Variants in ZC3H13 observed in about 807,000 individuals in gnomAD.
The protein encoded by ZC3H13 is zinc finger CCCH-type containing 13.
A neutral mutation model predicts 204.1 loss-of-function variants in ZC3H13; 64 were observed. The ratio of observed to expected loss-of-function variants is 0.31; its 90% CI spans 0.26 to 0.39. The LOEUF (loss-of-function observed/expected upper bound fraction) is 0.39. Ranked by LOEUF, ZC3H13 falls within the 10% of genes least tolerant of loss-of-function variation. The probability of loss-of-function intolerance (pLI) is 1.00; values close to 1 mark genes in which losing one functional copy is unlikely to be tolerated. For synonymous variants in ZC3H13, 667 were observed against 693.7 expected (o/e 0.96, Z 0.60); for missense variants, 1,833 against 2,082.7 (o/e 0.88, Z 2.33).
chr13:46,045,150 C>T (rs2043859293), intron 2 of ZC3H13, 86 bp from the exon 3 acceptor site: 3 of 1,235,122 alleles, frequency 2.4e-6, no homozygotes, highest in Non-Finnish European at 3.4e-6. Context: ...ACAAATGCTA[C>T]CAAAATTCCA....
chr13:46,052,731 C>G lies in ZC3H13; in HGVS notation c.-337G>C, dbSNP rs1278705120. 2 of 397,544 alleles carry G rather than the reference C, an allele frequency of 5.0e-6. No homozygotes were observed. The highest frequency in any genetic ancestry group is 8.9e-6 in the Non-Finnish European group (2 of 225,616). The allele number at this position is 397,544 out of a possible 1,614,324, so 24.6% of individuals were successfully genotyped here. The stretch of plus-strand genomic sequence containing the variant: ...TAGGAGGACCGCCTCAAAATGCCGC[C>G]GGAAGTCAGAGGTTTGCCCTGTTCC... On this transcript the variant is annotated 5_prime_UTR_variant, in exon 1 of 19. Coordinates refer to ENST00000679008, the MANE Select transcript of ZC3H13 (RefSeq NM_001330564.2).
chr13:45,967,884 T>C lies in ZC3H13; in HGVS notation c.3941A>G (p.Glu1314Gly). The change falls in exon 15 of 19, where the codon GAG becomes GGG. Residue 1314 changes from glutamate to glycine, a missense_variant. Transcript: ENST00000679008. ...TTCTCTCTGCCTCGTATCTCTCCTC[T>C]CTCTCTCGCGCTCTCTGTCGTGTTC... ...RYEHDRERER[E>G]RRDTRQREWD... The C allele has an allele frequency of 6.2e-7, 1 of 1,614,062 alleles. No homozygotes were observed. The highest frequency in any genetic ancestry group is 8.5e-7 in the Non-Finnish European group (1 of 1,180,004).
intron 3 of ZC3H13, 26 bp downstream of exon 3, chr13:46,044,929 T>C (rs745534469): frequency 5.8e-6 from 9 of 1,558,692 alleles, no homozygotes; most frequent in Admixed American, 3.5e-5. Context: ...TAATAGTACA[T>C]GAACAATACA....
intron 4 of ZC3H13, among the ~76,000 whole-genome samples, chr13:46,024,545 A>G (rs1332032311): frequency 1.3e-5 from 2 of 151,838 alleles, no homozygotes; most frequent in Non-Finnish European, 2.9e-5. Context: ...GCTTCTTTGC[A>G]TGGGGATTTG....
At chr13:45,994,095 T>TCAAGTG (rs1375519073) in intron 8 of ZC3H13, among the ~76,000 whole-genome samples, 3 of 152,224 alleles carry the variant, frequency 2.0e-5, no homozygotes, top group Non-Finnish European at 4.4e-5. Flanking sequence ...TCTAGCCTCC[T>TCAAGTG]CAAAGGGACA....
At chr13:45,962,831 A>G in intron 17 of ZC3H13, 3 of 985,300 alleles carry the variant, frequency 3.0e-6, no homozygotes, top group Non-Finnish European at 3.6e-6. Flanking sequence ...CCTTCTTTTT[A>G]CCATCTACTC....
In ZC3H13 at chr13:45,956,184, G is replaced by C. The variant is rs1173742875; in HGVS notation, c.*943C>G. 1.3e-5 allele frequency: 2 copies of C among 152,102 alleles called. No homozygotes were observed. The highest frequency in any genetic ancestry group is 2.9e-5 in the Non-Finnish European group (2 of 68,006). 9.4% of individuals were successfully genotyped at this position (152,102 alleles called of 1,614,324 possible). A position where few individuals can be genotyped will look rare whatever the true frequency, so the allele number is the denominator to read the frequency against. On this transcript the variant is annotated 3_prime_UTR_variant, in exon 19 of 19. Transcript: ENST00000679008. ...AGTTATAGCTCTAAAAAATATGATA[G>C]TAGAATATTAAACCTCAGGTTACGT...
intron 7 of ZC3H13, among the ~76,000 whole-genome samples, chr13:46,006,083 C>CTAAAAAAA (rs147786821): frequency 6.8e-6 from 1 of 146,246 alleles, no homozygotes; most frequent in African/African-American, 2.5e-5. Context: ...GGACTCTGTC[C>CTAAAAAAA]CAAAAAAAAA....
Position 45,985,425 on chromosome 13 carries a change from C to T in ZC3H13, c.1592G>A (p.Arg531Gln), listed in dbSNP as rs1335555461. 24 of 1,614,060 alleles carry T rather than the reference C, an allele frequency of 1.5e-5. No homozygotes were observed. Among genetic ancestry groups the T allele is most frequent in the African/African-American group, 2.7e-5 (2 of 74,918 alleles). Reference sequence around the variant, plus strand: ...AGAACTTTCTTCTCTCAAATGGTTTCGGCCATAACTCCGGGATTCTTCTGG... The same window carrying T: ...AGAACTTTCTTCTCTCAAATGGTTTTGGCCATAACTCCGGGATTCTTCTGG... ...TYPEESRSYGRNHLREESSRT... is the reference protein window; with the variant it reads ...TYPEESRSYGQNHLREESSRT... Residue 531 changes from arginine to glutamine, a missense_variant, in exon 10 of 19, where the codon CGA (arginine) becomes CAA (glutamine). Transcript: ENST00000679008.
Position 45,969,334 on chromosome 13 carries a change from C to T in ZC3H13, c.3210G>A (p.Glu1070=), listed in dbSNP as rs550965757. ...EDTAFSDWSD[E]DVPDRTEVTE... is the part of the protein sequence containing the mutation. ...TCACCTCTGTACGGTCAGGGACATC[C>T]TCATCAGACCAGTCACTGAATGCTG... The change falls in exon 14 of 19, where the codon GAG becomes GAA. Residue 1070 remains glutamate (E), a synonymous_variant. Coordinates refer to ENST00000679008, the MANE Select transcript of ZC3H13 (RefSeq NM_001330564.2). 6.2e-7 allele frequency: 1 copy of T among 1,613,980 alleles called. No homozygotes were observed. Among genetic ancestry groups the T allele is most frequent in the South Asian group, 1.1e-5 (1 of 91,080 alleles).
chr13:46,014,839 T>G (rs2041814666), intron 5 of ZC3H13, among the ~76,000 whole-genome samples: 1 of 152,218 alleles, frequency 6.6e-6, no homozygotes, highest in Non-Finnish European at 1.5e-5. Flanking sequence ...CATTCAACAC[T>G]GCCCTATAAA....
intron 8 of ZC3H13, among the ~76,000 whole-genome samples, chr13:45,998,554 C>T (rs185155245): frequency 6.6e-6 from 1 of 151,492 alleles, no homozygotes; most frequent in Admixed American, 6.6e-5. Flanking sequence ...GAGGCTGAGG[C>T]AGGAGAATGG....
At chr13:45,990,475 G>A (rs2039891143) in intron 8 of ZC3H13, among the ~76,000 whole-genome samples, 1 of 152,104 alleles carries the variant, frequency 6.6e-6, no homozygotes, top group Admixed American at 6.6e-5. Context: ...TGAAAAGTCA[G>A]CTAACTAGAA....
intron 8 of ZC3H13, among the ~76,000 whole-genome samples, chr13:46,000,975 T>C (rs2040700852): frequency 6.6e-6 from 1 of 152,216 alleles, no homozygotes; most frequent in Admixed American, 6.5e-5. Context: ...AGCCAGTCAG[T>C]AGGGCAGTCA....
chr13:45,988,637 A>C (rs2039731599), intron 9 of ZC3H13, 150 bp downstream of exon 9: 1 of 770,700 alleles, frequency 1.3e-6, no homozygotes, highest in Non-Finnish European at 2.0e-6. Flanking sequence ...TAACATTCCC[A>C]TGTTGTTAAG....
chr13:45,973,583 A>C (rs1952767390), intron 12 of ZC3H13, among the ~76,000 whole-genome samples: 1 of 152,182 alleles, frequency 6.6e-6, no homozygotes, highest in South Asian at 2.1e-4. Context: ...AAAATCTGAA[A>C]TGTTCCAATG....
chr13:45,967,370 A>G (rs1952181225), intron 15 of ZC3H13, 134 bp downstream of exon 15: 9 of 1,001,738 alleles, frequency 9.0e-6, no homozygotes, highest in Non-Finnish European at 1.3e-5. Flanking sequence ...TCTGAAATCT[A>G]CTTCCTCTAT....
At chr13:45,990,481 T>C (rs980589855) in intron 8 of ZC3H13, among the ~76,000 whole-genome samples, 1 of 152,184 alleles carries the variant, frequency 6.6e-6, no homozygotes, top group Non-Finnish European at 1.5e-5. Context: ...GTCAGCTAAC[T>C]AGAACACTAC....
intron 4 of ZC3H13, among the ~76,000 whole-genome samples, chr13:46,023,506 T>C (rs1415449853): frequency 1.3e-5 from 2 of 152,134 alleles, no homozygotes; most frequent in Admixed American, 6.6e-5. Context: ...GCTAGTGTGC[T>C]TCAATGAAAC....
Sources: gnomAD v4.1 joint callset for allele counts (sites outside exome capture counted in the v4.1 genomes callset) on GRCh38, gnomAD v4.1.1 for gene constraint, MANE v1.5 for transcripts, NCBI Gene and HGNC (gene_info 2026-07-23, HGNC 2026-07-21) for gene names.